Variants in TBC1D1 observed in about 807,000 individuals in gnomAD.
TBC1D1 encodes TBC1 (tre-2/USP6, BUB2, cdc16) domain family, member 1.
In TBC1D1, 89 loss-of-function variants were observed where a neutral mutation model predicts 125.6. The ratio of observed to expected loss-of-function variants is 0.71; its 90% CI spans 0.60 to 0.85. The LOEUF is 0.85. TBC1D1 is among the 40% of genes least tolerant of loss of function. The probability of loss-of-function intolerance (pLI) is 0.00; values close to 1 mark genes in which losing one functional copy is unlikely to be tolerated. For missense variants in TBC1D1, 1,377 were observed against 1,469.2 expected, an observed-to-expected ratio of 0.94 and a Z score of 1.03; for synonymous variants, 565 against 564.1, an observed-to-expected ratio of 1.00 and a Z score of -0.02.
intron 6 of TBC1D1, 69 bp downstream of exon 6, chr4:38,021,787 A>G: frequency 4.4e-6 from 6 of 1,374,614 alleles, no homozygotes; most frequent in Non-Finnish European, 3.8e-6. Context: ...TTTAGATGAT[A>G]CTCATCTGTT....
intron 2 of TBC1D1, among the ~76,000 whole-genome samples, chr4:37,978,990 T>G (rs1249161247): frequency 6.6e-6 from 1 of 152,166 alleles, no homozygotes; most frequent in Non-Finnish European, 1.5e-5. Flanking sequence ...GATTCTTGTG[T>G]CTCAGCCTCC....
intron 12 of TBC1D1, among the ~76,000 whole-genome samples, chr4:38,071,962 G>A (rs559806347): frequency 7.9e-5 from 12 of 152,308 alleles, no homozygotes; most frequent in African/African-American, 2.6e-4. Context: ...GGTGTTGGCC[G>A]ACTGCAGAGC....
At chr4:38,086,820 A>T (rs541175757) in intron 12 of TBC1D1, among the ~76,000 whole-genome samples, 1 of 152,282 alleles carries the variant, frequency 6.6e-6, no homozygotes, top group East Asian at 1.9e-4. Flanking sequence ...GCTTGATGGA[A>T]ATGCTCCCCT....
intron 1 of TBC1D1, among the ~76,000 whole-genome samples, chr4:37,895,431 A>C (rs546328238): frequency 6.6e-6 from 1 of 152,026 alleles, no homozygotes; most frequent in Admixed American, 6.6e-5. Context: ...GCTCTAATTT[A>C]TATGACTCGT....
chr4:38,096,679 A>T (rs1759405600), intron 14 of TBC1D1, among the ~76,000 whole-genome samples: 1 of 152,218 alleles, frequency 6.6e-6, no homozygotes, highest in Non-Finnish European at 1.5e-5. Context: ...GCCAGCCCAA[A>T]CTGTTACTGG....
At chr4:38,057,532 A>G (rs535414982) in intron 12 of TBC1D1, among the ~76,000 whole-genome samples, 2 of 152,340 alleles carry the variant, frequency 1.3e-5, no homozygotes, top group East Asian at 1.9e-4. Context: ...CTCTGTCTCT[A>G]TAGGCACATA....
chr4:37,980,068 C>T (rs759853080), intron 2 of TBC1D1, among the ~76,000 whole-genome samples: 11 of 152,230 alleles, frequency 7.2e-5, no homozygotes, highest in South Asian at 2.1e-4. Flanking sequence ...TGTGAGCCAC[C>T]GCCCCCGGCC....
chr4:38,099,276 A>T (rs1043458013), intron 14 of TBC1D1, among the ~76,000 whole-genome samples: 1 of 152,246 alleles, frequency 6.6e-6, no homozygotes, highest in East Asian at 1.9e-4. Context: ...ATGACACCAT[A>T]AGTAGATCTG....
intron 12 of TBC1D1, among the ~76,000 whole-genome samples, chr4:38,070,871 C>T (rs1754591447): frequency 6.6e-6 from 1 of 152,198 alleles, no homozygotes; most frequent in Admixed American, 6.5e-5. Context: ...TAGAAAACCT[C>T]ATCTTCTCAT....
chr4:38,039,368 C>T (rs1221832206), intron 8 of TBC1D1, among the ~76,000 whole-genome samples: 4 of 151,938 alleles, frequency 2.6e-5, no homozygotes, highest in East Asian at 2.0e-4. Flanking sequence ...CTGCCCACCT[C>T]GGCCTTCCAA....
At chr4:37,986,163 A>T (rs2152379488) in intron 2 of TBC1D1, among the ~76,000 whole-genome samples, 1 of 152,350 alleles carries the variant, frequency 6.6e-6, no homozygotes, top group East Asian at 1.9e-4. Context: ...AGTAGGATTT[A>T]GTAATGTAAT....
chr4:37,976,755 AGAAGAAAACTAT>A (rs1733166419), intron 2 of TBC1D1, among the ~76,000 whole-genome samples: 1 of 152,024 alleles, frequency 6.6e-6, no homozygotes, highest in Admixed American at 6.6e-5. Context: ...GCCTTGGGAG[AGAAGAAAACTAT>A]GGTGAAATCA....
chr4:37,993,686 A>G (rs1737150621), intron 2 of TBC1D1, among the ~76,000 whole-genome samples: 1 of 152,124 alleles, frequency 6.6e-6, no homozygotes, highest in Non-Finnish European at 1.5e-5. Context: ...GGTTCAAGCA[A>G]TTCTCCTGCC....
At chr4:37,919,987 C>T (rs1031632984) in intron 2 of TBC1D1, among the ~76,000 whole-genome samples, 1 of 152,170 alleles carries the variant, frequency 6.6e-6, no homozygotes. Flanking sequence ...GTGGCGGGAG[C>T]CTGTAGTCCC....
At chr4:37,935,375 T>C (rs1724178367) in intron 2 of TBC1D1, among the ~76,000 whole-genome samples, 1 of 152,170 alleles carries the variant, frequency 6.6e-6, no homozygotes, top group Non-Finnish European at 1.5e-5. Context: ...CTCTTCAACA[T>C]TTTGTTTCTT....
intron 2 of TBC1D1, among the ~76,000 whole-genome samples, chr4:38,012,400 G>T (rs1428439793): frequency 6.6e-6 from 1 of 151,866 alleles, no homozygotes; most frequent in Non-Finnish European, 1.5e-5. Context: ...CCTGCCTCAG[G>T]AGTAGTGGGG....
At chr4:38,017,388 C>G (rs1395922388) in intron 3 of TBC1D1, among the ~76,000 whole-genome samples, 1 of 152,168 alleles carries the variant, frequency 6.6e-6, no homozygotes, top group East Asian at 1.9e-4. Flanking sequence ...TCCTTGGTCT[C>G]CACAGAAGGA....
intron 2 of TBC1D1, among the ~76,000 whole-genome samples, chr4:37,914,149 C>A (rs1043486185): frequency 2.0e-5 from 3 of 152,138 alleles, no homozygotes; most frequent in African/African-American, 7.2e-5. Context: ...TGAACTCATC[C>A]AGTCTTACAG....
At chr4:38,002,706 T>G (rs920124925) in intron 2 of TBC1D1, among the ~76,000 whole-genome samples, 1 of 152,232 alleles carries the variant, frequency 6.6e-6, no homozygotes, top group Non-Finnish European at 1.5e-5. Flanking sequence ...TTAGGTGTTT[T>G]GTGCTCTGAG....
Sources: allele counts gnomAD v4.1 joint callset (sites outside exome capture counted in the v4.1 genomes callset), GRCh38; gene constraint gnomAD v4.1.1; transcripts MANE v1.5; gene names NCBI Gene and HGNC (gene_info 2026-07-23, HGNC 2026-07-21).